GPR137B: variants seen among roughly 807,000 people sequenced by gnomAD.
The protein encoded by GPR137B is integral membrane protein GPR137B.
In GPR137B, 42 loss-of-function variants were observed where a neutral mutation model predicts 42.5. The observed-to-expected ratio is 0.99, with a 90% CI of 0.77 to 1.28. GPR137B has a LOEUF of 1.28. Ranked by LOEUF, GPR137B falls within the 50% of genes most tolerant of loss-of-function variation. The pLI is 0.00. For missense variants in GPR137B, 487 were observed against 493.9 expected, an observed-to-expected ratio of 0.99 and a Z score of 0.13; for synonymous variants, 218 against 209.7, an observed-to-expected ratio of 1.04 and a Z score of -0.34.
At chr1:236,145,772 A>G (rs2102887400) in intron 1 of GPR137B, among the ~76,000 whole-genome samples, 1 of 152,360 alleles carries the variant, frequency 6.6e-6, no homozygotes, top group South Asian at 2.1e-4. Flanking sequence ...GAGGTCGTAG[A>G]TGACTTGCTC....
At chr1:236,175,834 G>A (rs1397666262) in intron 2 of GPR137B, among the ~76,000 whole-genome samples, 1 of 152,142 alleles carries the variant, frequency 6.6e-6, no homozygotes, top group East Asian at 1.9e-4. Flanking sequence ...AGGAAGCAGC[G>A]GGGCTTGCTT....
chr1:236,207,831 A>G (rs1663706006), intron 6 of GPR137B, among the ~76,000 whole-genome samples: 1 of 152,124 alleles, frequency 6.6e-6, no homozygotes, highest in African/African-American at 2.4e-5. Flanking sequence ...GTCATGCTGT[A>G]TACTCTGTGC....
chr1:236,152,924 C>T lies in GPR137B; in HGVS notation c.414+9888C>T, dbSNP rs12404651. Reference sequence around the variant, plus strand: ...TACAAAAATTAGCTGGGTGCAGTGGCGGGCGCCTGTAATCCCAGCTACTCA... The same window carrying T: ...TACAAAAATTAGCTGGGTGCAGTGGTGGGCGCCTGTAATCCCAGCTACTCA... On this transcript the variant is annotated intron_variant, in intron 1 of 6. Transcript: ENST00000366592. Among the ~76,000 whole-genome samples the T allele has an allele frequency of 0.018, 2,630 of 147,416 alleles. 125 individuals carry two copies. The East Asian group carries it at 0.19, about 11-fold the overall frequency.
At chr1:236,183,931 A>T (rs1277033090) in intron 5 of GPR137B, 25 bp downstream of exon 5, 1 of 1,555,428 alleles carries the variant, frequency 6.4e-7, no homozygotes, top group South Asian at 1.1e-5. Context: ...TTACATTTGT[A>T]AGAAAATGTC....
In GPR137B at chr1:236,208,190, A is replaced by G. The variant is rs1291446388; in HGVS notation, c.*32A>G. Reference sequence around the variant, plus strand: ...TTAACAGTTTTATGGACGATTCCTCAGATGAAAAGCTTCAGAAAAGCATAG... The same window carrying G: ...TTAACAGTTTTATGGACGATTCCTCGGATGAAAAGCTTCAGAAAAGCATAG... On this transcript the variant is annotated 3_prime_UTR_variant, in exon 7 of 7. Transcript: ENST00000366592. 6.2e-7 allele frequency: 1 copy of G among 1,607,488 alleles called. No homozygotes were observed. Among genetic ancestry groups the G allele is most frequent in the Non-Finnish European group, 8.5e-7 (1 of 1,176,488 alleles).
intron 1 of GPR137B, among the ~76,000 whole-genome samples, chr1:236,143,590 A>T (rs2102885929): frequency 6.6e-6 from 1 of 152,198 alleles, no homozygotes; most frequent in Middle Eastern, 3.4e-3. Context: ...CGGCTTACTA[A>T]CTCATTCCAC....
intron 5 of GPR137B, among the ~76,000 whole-genome samples, chr1:236,194,396 A>G (rs984190891): frequency 5.3e-5 from 8 of 152,284 alleles, no homozygotes; most frequent in Non-Finnish European, 8.8e-5. Context: ...CGTGGCTCAT[A>G]GGTATTCTTA....
At chr1:236,154,460 G>A (rs1326175146) in intron 1 of GPR137B, among the ~76,000 whole-genome samples, 1 of 151,970 alleles carries the variant, frequency 6.6e-6, no homozygotes, top group Non-Finnish European at 1.5e-5. Context: ...TGTGTCCTCT[G>A]CCATCCTGGT....
intron 5 of GPR137B, among the ~76,000 whole-genome samples, chr1:236,185,602 C>G (rs760382668): frequency 6.6e-6 from 1 of 152,196 alleles, no homozygotes; most frequent in Non-Finnish European, 1.5e-5. Flanking sequence ...GTCACCCAGG[C>G]TGGAGTGCAG....
chr1:236,184,919 A>C (rs2102914802), intron 5 of GPR137B, among the ~76,000 whole-genome samples: 1 of 152,172 alleles, frequency 6.6e-6, no homozygotes, highest in Middle Eastern at 3.4e-3. Flanking sequence ...GATGCACGCC[A>C]CCATGCCTGG....
At chr1:236,154,959 C>T (rs1295456156) in intron 1 of GPR137B, among the ~76,000 whole-genome samples, 1 of 152,184 alleles carries the variant, frequency 6.6e-6, no homozygotes, top group Non-Finnish European at 1.5e-5. Flanking sequence ...AGGGCCCTGG[C>T]TGGTAAACTG....
At chr1:236,168,598 G>A (rs146537887) in intron 1 of GPR137B, 108 bp from the exon 2 acceptor site, 22 of 787,486 alleles carry the variant, frequency 2.8e-5, no homozygotes, top group African/African-American at 8.5e-5. Flanking sequence ...TATAAAAAAC[G>A]TGCCCAGCGC....
At chr1:236,165,948 T>C (rs1002215865) in intron 1 of GPR137B, among the ~76,000 whole-genome samples, 6 of 152,266 alleles carry the variant, frequency 3.9e-5, no homozygotes, top group Admixed American at 3.9e-4. Context: ...TGAACATTTA[T>C]GTATGGTGGC....
intron 5 of GPR137B, among the ~76,000 whole-genome samples, chr1:236,190,940 C>T (rs576962301): frequency 6.6e-6 from 1 of 152,294 alleles, no homozygotes; most frequent in African/African-American, 2.4e-5. Flanking sequence ...GAGTGTTTTC[C>T]AACTTGGTTC....
chr1:236,143,462 C>A (rs1661593215), intron 1 of GPR137B, among the ~76,000 whole-genome samples: 1 of 152,274 alleles, frequency 6.6e-6, no homozygotes, highest in African/African-American at 2.4e-5. Context: ...GAAAGGTCTT[C>A]TGCACGTTGG....
chr1:236,151,418 A>ATTTTTT (rs60574023), intron 1 of GPR137B, among the ~76,000 whole-genome samples: 34 of 72,380 alleles, frequency 4.7e-4, no homozygotes, highest in Non-Finnish European at 5.9e-4. Flanking sequence ...TTGCATATTC[A>ATTTTTT]TTTTTTTTTT....
In GPR137B at chr1:236,171,867, A is replaced by G. The variant is rs535567365; in HGVS notation, c.464+3112A>G. Among the ~76,000 whole-genome samples the G allele has an allele frequency of 1.3e-5, 2 of 152,206 alleles. No individual in the cohort carries two copies. Among genetic ancestry groups the G allele is most frequent in the East Asian group, 3.9e-4 (2 of 5,172 alleles). ...TGAGACCATCCTGGCCAACATGGTG[A>G]AATCCCACTAAAAATACAAAAATTA... On this transcript the variant is annotated intron_variant, in intron 2 of 6. Coordinates refer to ENST00000366592, the MANE Select transcript of GPR137B (RefSeq NM_003272.4). The surrounding 1 kb of genome is among the most constrained non-coding windows in gnomAD (Gnocchi z 4.4).
chr1:236,178,791 T>TG, intron 3 of GPR137B, among the ~76,000 whole-genome samples, 155 bp downstream of exon 3: 1 of 66,476 alleles, frequency 1.5e-5, no homozygotes, highest in East Asian at 4.1e-4. Context: ...CGAGGTTTTT[T>TG]TTTTTTTTTT....
At chr1:236,160,260 G>C (rs115421939) in intron 1 of GPR137B, among the ~76,000 whole-genome samples, 1 of 152,126 alleles carries the variant, frequency 6.6e-6, no homozygotes, top group South Asian at 2.1e-4. Context: ...AAAAACCCCG[G>C]TGTTTTCATA....
Sources: allele counts gnomAD v4.1 joint callset (sites outside exome capture counted in the v4.1 genomes callset), GRCh38; gene constraint gnomAD v4.1.1; non-coding constraint Gnocchi (gnomAD v3.1); transcripts MANE v1.5; gene names NCBI Gene and HGNC (gene_info 2026-07-23, HGNC 2026-07-21).